The following ULK4 variants were observed in gnomAD, a reference collection of about 807,000 sequenced individuals.
ULK4 encodes unc-51 like kinase 4, also known as inactive serine/threonine-protein kinase ULK4.
ULK4 carries 133 observed loss-of-function variants against 160.6 expected under a neutral mutation model. That is an observed-to-expected ratio of 0.83 (90% CI 0.72 to 0.96). The LOEUF is 0.96. ULK4 is among the 40% of genes least tolerant of loss of function. ULK4 has a pLI of 0.00. For synonymous variants in ULK4, 534 were observed against 539.8 expected (o/e 0.99, Z 0.15); for missense variants, 1,580 against 1,499.5 (o/e 1.05, Z -0.89).
At chr3:41,758,652 G>T (rs1158113508) in intron 21 of ULK4, among the ~76,000 whole-genome samples, 1 of 152,104 alleles carries the variant, frequency 6.6e-6, no homozygotes, top group African/African-American at 2.4e-5. Context: ...TTGGGAGGCC[G>T]AAGCGGGTGG....
At chr3:41,422,935 CAGA>C (rs1334090361) in intron 34 of ULK4, among the ~76,000 whole-genome samples, 1 of 152,094 alleles carries the variant, frequency 6.6e-6, no homozygotes, top group Non-Finnish European at 1.5e-5. Flanking sequence ...GGCCATCCAT[CAGA>C]AGATGTTTGA....
intron 32 of ULK4, among the ~76,000 whole-genome samples, chr3:41,525,583 C>A (rs890111253): frequency 2.0e-5 from 3 of 152,168 alleles, no homozygotes; most frequent in Admixed American, 2.0e-4. Context: ...CACTCCAGAT[C>A]CCATCATCGC....
intron 19 of ULK4, among the ~76,000 whole-genome samples, chr3:41,809,903 T>C (rs1205589857): frequency 6.6e-6 from 1 of 152,206 alleles, no homozygotes; most frequent in African/African-American, 2.4e-5. Flanking sequence ...ATGATATTAG[T>C]ATACAATAGA....
At chr3:41,708,857 A>G (rs945261486) in intron 25 of ULK4, among the ~76,000 whole-genome samples, 35 of 152,226 alleles carry the variant, frequency 2.3e-4, no homozygotes, top group Non-Finnish European at 4.6e-4. Flanking sequence ...AATGTATACA[A>G]TTCTTATTCA....
At chr3:41,373,504 G>T (rs116995511) in intron 35 of ULK4, among the ~76,000 whole-genome samples, 2 of 152,040 alleles carry the variant, frequency 1.3e-5, no homozygotes, top group African/African-American at 4.8e-5. Flanking sequence ...GCACAACTAC[G>T]TGGAAGCTGA....
chr3:41,816,572 T>C (rs1406275670), intron 19 of ULK4, among the ~76,000 whole-genome samples: 1 of 152,120 alleles, frequency 6.6e-6, no homozygotes, highest in Non-Finnish European at 1.5e-5. Flanking sequence ...ATCCCAACTC[T>C]GGGAGGCCGA....
intron 35 of ULK4, among the ~76,000 whole-genome samples, chr3:41,314,147 T>C (rs2080103769): frequency 6.6e-6 from 1 of 152,232 alleles, no homozygotes; most frequent in African/African-American, 2.4e-5. Context: ...CAACTCAAAC[T>C]ACAGATCTGT....
intron 35 of ULK4, among the ~76,000 whole-genome samples, chr3:41,306,128 TGG>T (rs1181225910): frequency 0.31 from 18,621 of 59,834 alleles, 2,468 homozygotes; most frequent in Non-Finnish European, 0.35. Context: ...GGGAGGGAGG[TGG>T]GGGGGGGGGG....
intron 32 of ULK4, among the ~76,000 whole-genome samples, chr3:41,540,962 T>A (rs904197945): frequency 6.6e-6 from 1 of 152,216 alleles, no homozygotes; most frequent in Non-Finnish European, 1.5e-5. Context: ...TGCAAAAATT[T>A]TCTCCCATTC....
At chr3:41,556,438 A>G (rs997663655) in intron 32 of ULK4, among the ~76,000 whole-genome samples, 1 of 151,668 alleles carries the variant, frequency 6.6e-6, no homozygotes, top group African/African-American at 2.4e-5. Context: ...CTATCATACC[A>G]CAAAAAGAGA....
At chr3:41,249,935 G>T (rs1477688275) in intron 35 of ULK4, among the ~76,000 whole-genome samples, 3 of 152,190 alleles carry the variant, frequency 2.0e-5, no homozygotes, top group Non-Finnish European at 4.4e-5. Context: ...GGACTCAAGA[G>T]GCCTGGCTAG....
At chr3:41,881,317 A>C (rs1039372699) in intron 17 of ULK4, among the ~76,000 whole-genome samples, 2 of 149,530 alleles carry the variant, frequency 1.3e-5, no homozygotes, top group African/African-American at 4.9e-5. Flanking sequence ...AAAACAGGAA[A>C]AAGATGAAAC....
chr3:41,947,892 G>C (rs1700160037), intron 2 of ULK4, among the ~76,000 whole-genome samples: 1 of 152,148 alleles, frequency 6.6e-6, no homozygotes, highest in South Asian at 2.1e-4. Flanking sequence ...TTTTGGTGTT[G>C]AAGTGAGTGA....
chr3:41,504,504 T>C (rs1023217336), intron 32 of ULK4, among the ~76,000 whole-genome samples: 4 of 152,138 alleles, frequency 2.6e-5, no homozygotes, highest in Non-Finnish European at 2.9e-5. Flanking sequence ...GAGCATAATT[T>C]TGAATTTCAT....
At chr3:41,512,634 C>G (rs1414266794) in intron 32 of ULK4, among the ~76,000 whole-genome samples, 2 of 152,044 alleles carry the variant, frequency 1.3e-5, no homozygotes, top group East Asian at 1.9e-4. Context: ...ACAACACAAA[C>G]AAATGTAAAC....
At position 41,831,531 on chromosome 3, in the gene ULK4, A is replaced by ATATATATATATATATATTTTTTTTTTTTT; in HGVS notation, c.1764+4332_1764+4333insAAAAAAAAAAAAATATATATATATATATA. The stretch of plus-strand genomic sequence containing the variant: ...TTATTGTTATTTTATATATATATAT[A>ATATATATATATATATATTTTTTTTTTTTT]TTTTTTTTTCTTTCTTAAACTTTAG... On this transcript the variant is annotated intron_variant, in intron 18 of 36. Transcript: ENST00000301831. Among the ~76,000 whole-genome samples the ATATATATATATATATATTTTTTTTTTTTT allele has an allele frequency of 1.3e-3, 176 of 137,900 alleles. 1 individual carries two copies. The highest frequency in any genetic ancestry group is 2.1e-3 in the Non-Finnish European group (133 of 64,860). 90.5% of individuals were successfully genotyped at this position (137,900 alleles called of 152,430 possible).
At chr3:41,648,455 G>C (rs1381333936) in intron 30 of ULK4, among the ~76,000 whole-genome samples, 1 of 152,144 alleles carries the variant, frequency 6.6e-6, no homozygotes, top group Non-Finnish European at 1.5e-5. Context: ...GACAATGTTA[G>C]TCATTGTTTT....
At chr3:41,263,473 C>T (rs144273189) in intron 35 of ULK4, among the ~76,000 whole-genome samples, 1 of 152,346 alleles carries the variant, frequency 6.6e-6, no homozygotes, top group African/African-American at 2.4e-5. Context: ...AAAAAGCCCA[C>T]AGCTTCCTTC....
At chr3:41,710,939 T>A (rs1296981130) in intron 25 of ULK4, among the ~76,000 whole-genome samples, 1 of 150,142 alleles carries the variant, frequency 6.7e-6, no homozygotes, top group African/African-American at 2.5e-5. Context: ...AGCTGAAGGG[T>A]TGTGGGAGTT....
Sources: allele counts gnomAD v4.1 joint callset (sites outside exome capture counted in the v4.1 genomes callset), GRCh38; gene constraint gnomAD v4.1.1; transcripts MANE v1.5; gene names NCBI Gene and HGNC (gene_info 2026-07-23, HGNC 2026-07-21).